FAM117B: variants seen among roughly 807,000 people sequenced by gnomAD.
FAM117B encodes protein FAM117B.
FAM117B carries 22 observed loss-of-function variants against 52.8 expected under a neutral mutation model. That is an observed-to-expected ratio of 0.42 (90% CI 0.30 to 0.59). The LOEUF (loss-of-function observed/expected upper bound fraction) is 0.59, where lower values mean the gene tolerates loss of function less well. FAM117B is among the 20% of genes least tolerant of loss of function. The pLI is 0.22. For synonymous variants in FAM117B, 309 were observed against 324.1 expected (o/e 0.95, Z 0.50); for missense variants, 678 against 802.6 (o/e 0.84, Z 1.88).
intron 1 of FAM117B, among the ~76,000 whole-genome samples, chr2:202,665,083 C>G (rs1690183085): frequency 6.6e-6 from 1 of 152,104 alleles, no homozygotes; most frequent in Admixed American, 6.6e-5. Context: ...GGTGATAGGA[C>G]TGAGATGACT....
intron 1 of FAM117B, among the ~76,000 whole-genome samples, chr2:202,682,274 A>G (rs948506380): frequency 5.9e-5 from 9 of 152,166 alleles, no homozygotes; most frequent in African/African-American, 2.2e-4. Context: ...CTGACCCTCC[A>G]CTGAGCTGTT....
intron 1 of FAM117B, among the ~76,000 whole-genome samples, chr2:202,653,831 A>G (rs1435650593): frequency 6.6e-6 from 1 of 152,150 alleles, no homozygotes; most frequent in African/African-American, 2.4e-5. Context: ...TGGTGACTGA[A>G]AAGAAATGAT....
intron 1 of FAM117B, among the ~76,000 whole-genome samples, chr2:202,680,422 A>T (rs918397921): frequency 1.3e-5 from 2 of 150,850 alleles, no homozygotes; most frequent in East Asian, 3.9e-4. Flanking sequence ...AGTATAATTT[A>T]AAAAAGTCTG....
intron 2 of FAM117B, among the ~76,000 whole-genome samples, chr2:202,699,052 A>G (rs1690755746): frequency 6.6e-6 from 1 of 152,186 alleles, no homozygotes; most frequent in South Asian, 2.1e-4. Context: ...TGACCTAACA[A>G]TTGAATTAAA....
chr2:202,660,404 C>T (rs1400282785), intron 1 of FAM117B, among the ~76,000 whole-genome samples: 1 of 152,130 alleles, frequency 6.6e-6, no homozygotes, highest in East Asian at 1.9e-4. Context: ...TTACTTTTCA[C>T]AGTCTTTGCA....
intron 1 of FAM117B, among the ~76,000 whole-genome samples, chr2:202,688,592 G>GAGT (rs1690578249): frequency 1.3e-5 from 2 of 151,956 alleles, no homozygotes; most frequent in Non-Finnish European, 2.9e-5. Flanking sequence ...GAAAGGTTTG[G>GAGT]AGTAATATTT....
intron 2 of FAM117B, among the ~76,000 whole-genome samples, chr2:202,707,030 T>C (rs996601959): frequency 6.6e-6 from 1 of 152,058 alleles, no homozygotes; most frequent in Non-Finnish European, 1.5e-5. Flanking sequence ...ACACCATACA[T>C]TGTTTTTTGT....
chr2:202,698,784 CT>C (rs1167506833), intron 2 of FAM117B, among the ~76,000 whole-genome samples: 13 of 152,302 alleles, frequency 8.5e-5, no homozygotes, highest in African/African-American at 2.9e-4. Flanking sequence ...CAATCTGTAA[CT>C]TTGCTGAGCT....
intron 1 of FAM117B, among the ~76,000 whole-genome samples, chr2:202,646,676 T>C (rs1294652085): frequency 3.9e-5 from 6 of 152,148 alleles, no homozygotes; most frequent in South Asian, 2.1e-4. Context: ...TGAGTACGAG[T>C]GGTTTCTCTA....
chr2:202,715,465 G>A (rs531224715), intron 2 of FAM117B, among the ~76,000 whole-genome samples: 11 of 149,884 alleles, frequency 7.3e-5, no homozygotes, highest in East Asian at 2.0e-4. Context: ...GGGCAGAGGC[G>A]CTCCTCACGT....
intron 4 of FAM117B, among the ~76,000 whole-genome samples, chr2:202,744,216 G>A (rs1455778964): frequency 6.6e-6 from 1 of 152,150 alleles, no homozygotes; most frequent in Non-Finnish European, 1.5e-5. Context: ...TAAAGGTAAG[G>A]GTTTTATTTG....
intron 2 of FAM117B, among the ~76,000 whole-genome samples, chr2:202,706,410 T>C (rs1690869232): frequency 6.6e-6 from 1 of 152,248 alleles, no homozygotes; most frequent in African/African-American, 2.4e-5. Flanking sequence ...ATTTTTACAA[T>C]TTATAGGTTG....
chr2:202,647,920 T>G lies in FAM117B; in HGVS notation c.601+12132T>G, dbSNP rs547866639. On this transcript the variant is annotated intron_variant, in intron 1 of 7. Coordinates refer to ENST00000392238, the MANE Select transcript of FAM117B (RefSeq NM_173511.4). ...TTAACCCAAAAGAAATTTACTGACATTTTTCTTCTTCTTCATGAGCTAGTA... is the reference window on the plus strand; with the variant it reads ...TTAACCCAAAAGAAATTTACTGACAGTTTTCTTCTTCTTCATGAGCTAGTA... Among the ~76,000 whole-genome samples the G allele has an allele frequency of 4.6e-5, 7 of 152,266 alleles. No homozygotes were observed. In the East Asian group the frequency reaches 1.4e-3, roughly 29 times the overall value.
chr2:202,743,857 CA>C (rs1022848721), intron 4 of FAM117B, among the ~76,000 whole-genome samples: 2 of 152,160 alleles, frequency 1.3e-5, no homozygotes, highest in African/African-American at 4.8e-5. Flanking sequence ...AAAGGGATGA[CA>C]AAGCCTCTGT....
chr2:202,695,376 G>A (rs995285630), intron 1 of FAM117B, among the ~76,000 whole-genome samples: 1 of 151,936 alleles, frequency 6.6e-6, no homozygotes, highest in African/African-American at 2.4e-5. Flanking sequence ...TCTGAGTAGG[G>A]TGACGAAATG....
intron 2 of FAM117B, among the ~76,000 whole-genome samples, chr2:202,716,734 T>C (rs1195442503): frequency 6.6e-6 from 1 of 152,220 alleles, no homozygotes; most frequent in East Asian, 1.9e-4. Flanking sequence ...CTTCTGAGTC[T>C]GTGTTTTCAA....
At chr2:202,729,625 G>C (rs1032025335) in intron 4 of FAM117B, among the ~76,000 whole-genome samples, 3 of 152,172 alleles carry the variant, frequency 2.0e-5, no homozygotes, top group African/African-American at 7.2e-5. Context: ...TGAATGTGTT[G>C]ATAGGGAGAA....
At chr2:202,757,023 C>T (rs957883991) in intron 5 of FAM117B, among the ~76,000 whole-genome samples, 190 bp from the exon 6 acceptor site, 4 of 152,020 alleles carry the variant, frequency 2.6e-5, no homozygotes, top group Non-Finnish European at 4.4e-5. Context: ...AAGTCTTCAC[C>T]GAAGACTCTC....
intron 4 of FAM117B, among the ~76,000 whole-genome samples, chr2:202,733,195 G>T (rs973206373): frequency 6.6e-6 from 1 of 152,026 alleles, no homozygotes; most frequent in Non-Finnish European, 1.5e-5. Context: ...ACAGGGAGTA[G>T]GTCACAAAGA....
Sources: allele counts gnomAD v4.1 joint callset (sites outside exome capture counted in the v4.1 genomes callset), GRCh38; gene constraint gnomAD v4.1.1; transcripts MANE v1.5; gene names NCBI Gene and HGNC (gene_info 2026-07-23, HGNC 2026-07-21).